Variants in TGFBR3 observed in about 807,000 individuals in gnomAD.
TGFBR3 encodes the protein transforming growth factor beta receptor 3.
In TGFBR3, 46 loss-of-function variants were observed where a neutral mutation model predicts 87.9. The observed-to-expected ratio is 0.52, with a 90% CI of 0.41 to 0.67. The LOEUF (loss-of-function observed/expected upper bound fraction) is 0.67. Among genes scored for constraint, TGFBR3 ranks in the 30% least tolerant of loss-of-function variants. The pLI is 0.00. For synonymous variants in TGFBR3, 381 were observed against 391.6 expected (o/e 0.97, Z 0.32); for missense variants, 866 against 1,041.9 (o/e 0.83, Z 2.32).
intron 4 of TGFBR3, among the ~76,000 whole-genome samples, chr1:91,735,425 C>T (rs72965095): frequency 4.7e-4 from 71 of 152,330 alleles, no homozygotes; most frequent in African/African-American, 1.7e-3. Flanking sequence ...CATCTGCCAA[C>T]AGAGTCATCA....
chr1:91,721,335 A>G (rs1255230709), intron 8 of TGFBR3, among the ~76,000 whole-genome samples: 1 of 152,184 alleles, frequency 6.6e-6, no homozygotes, highest in Non-Finnish European at 1.5e-5. Context: ...CTTCTCCCCA[A>G]ACAGTGACTA....
intron 1 of TGFBR3, among the ~76,000 whole-genome samples, chr1:91,879,233 C>T (rs934044855): frequency 2.0e-5 from 3 of 151,848 alleles, no homozygotes; most frequent in Non-Finnish European, 4.4e-5. Flanking sequence ...CACACCACTG[C>T]ACTCCAGCCT....
intron 10 of TGFBR3, among the ~76,000 whole-genome samples, chr1:91,718,931 C>T (rs1571437884): frequency 1.3e-5 from 2 of 152,304 alleles, no homozygotes; most frequent in Non-Finnish European, 1.5e-5. Context: ...AGAGACCACA[C>T]ATCTGGTTAA....
At chr1:91,861,856 G>GGT in intron 1 of TGFBR3, 1 of 193,616 alleles carries the variant, frequency 5.2e-6, no homozygotes. Flanking sequence ...TTTGTTATTG[G>GGT]CTTTTTTTTT....
At chr1:91,812,128 G>C (rs1049772138) in intron 2 of TGFBR3, among the ~76,000 whole-genome samples, 1 of 152,058 alleles carries the variant, frequency 6.6e-6, no homozygotes, top group Non-Finnish European at 1.5e-5. Context: ...AAAATCCCTT[G>C]CATGCCATTT....
rs1463549689 is a variant in TGFBR3, at chr1:91,683,861, C to A, written c.2438-4G>T. On this transcript the variant is annotated splice_region_variant and splice_polypyrimidine_tract_variant and intron_variant, in intron 16 of 16. Coordinates refer to ENST00000212355, the MANE Select transcript of TGFBR3 (RefSeq NM_003243.5). ...TGCTGCCTTCCTGCTGTCTCCCCTG[C>A]AGTTAATAAAGAAAAGGCAGAGTCA... The A allele has an allele frequency of 6.3e-7, 1 of 1,594,278 alleles. No homozygotes were observed. Among genetic ancestry groups the A allele is most frequent in the Admixed American group, 1.7e-5 (1 of 57,362 alleles).
intron 1 of TGFBR3, chr1:91,899,746 G>C (rs1438539799): frequency 6.6e-6 from 1 of 152,132 alleles, no homozygotes; most frequent in Non-Finnish European, 1.5e-5. Context: ...TAGCAAACTT[G>C]AGTTTTTGGC....
intron 2 of TGFBR3, among the ~76,000 whole-genome samples, chr1:91,840,644 A>G (rs1677239601): frequency 6.6e-6 from 1 of 152,214 alleles, no homozygotes; most frequent in Non-Finnish European, 1.5e-5. Context: ...CACATTTGTT[A>G]ATATCTCAAC....
intron 5 of TGFBR3, among the ~76,000 whole-genome samples, chr1:91,734,053 AGAGGGAGG>A (rs1553163106): frequency 4.1e-5 from 2 of 48,594 alleles, no homozygotes; most frequent in Non-Finnish European, 7.0e-5. Flanking sequence ...AGGGAGGGAG[AGAGGGAGG>A]GAGGGAGGGA....
In TGFBR3 at chr1:91,683,848, G is replaced by A. The variant is rs762446878; in HGVS notation, c.2447C>T (p.Ala816Val). Reference protein sequence around the residue: ...WYIYSHTGETAGRQQVPTSPP... With the variant: ...WYIYSHTGETVGRQQVPTSPP... ...GGAGGTGGGGACTTGCTGCCTTCCTGCTGTCTCCCCTGCAGTTAATAAAGA... is the reference window on the plus strand; with the variant it reads ...GGAGGTGGGGACTTGCTGCCTTCCTACTGTCTCCCCTGCAGTTAATAAAGA... The change falls in exon 17 of 17, where the codon GCA becomes GTA. Residue 816 changes from alanine to valine, a missense_variant. Transcript: ENST00000212355. 6.2e-7 allele frequency: 1 copy of A among 1,601,486 alleles called. No homozygotes were observed. The highest frequency in any genetic ancestry group is 8.5e-7 in the Non-Finnish European group (1 of 1,173,950).
rs1467176628 is a variant in TGFBR3 at position 91,683,015 on chromosome 1, A to G, written c.*724T>C. The stretch of plus-strand genomic sequence containing the variant: ...TTCTGTAGGCCTGTAAGAAATACAA[A>G]ATTTGCATTAAGACATTTTGCAGTG... On this transcript the variant is annotated 3_prime_UTR_variant, in exon 17 of 17. Transcript: ENST00000212355. 1 of 454,416 alleles carries G rather than the reference A, an allele frequency of 2.2e-6. No homozygotes were observed. Among genetic ancestry groups the G allele is most frequent in the East Asian group, 6.9e-5 (1 of 14,400 alleles). The allele number at this position is 454,416 out of a possible 1,614,324, so 28.1% of individuals were successfully genotyped here.
chr1:91,811,701 ATTGT>A (rs1676036073), intron 2 of TGFBR3, among the ~76,000 whole-genome samples: 1 of 152,216 alleles, frequency 6.6e-6, no homozygotes, highest in South Asian at 2.1e-4. Flanking sequence ...CTGTACTATT[ATTGT>A]TTAATAAACT....
At chr1:91,739,502 T>C (rs1311656503) in intron 4 of TGFBR3, among the ~76,000 whole-genome samples, 1 of 152,228 alleles carries the variant, frequency 6.6e-6, no homozygotes, top group Non-Finnish European at 1.5e-5. Context: ...GCACACCTTC[T>C]GCACTTTCAT....
At chr1:91,761,159 G>A (rs562119779) in intron 3 of TGFBR3, among the ~76,000 whole-genome samples, 5 of 152,298 alleles carry the variant, frequency 3.3e-5, no homozygotes, top group African/African-American at 1.2e-4. Flanking sequence ...AGAAGTTTCG[G>A]TCAAAATATA....
chr1:91,756,340 T>C (rs1027180274), intron 4 of TGFBR3, among the ~76,000 whole-genome samples: 2 of 152,182 alleles, frequency 1.3e-5, no homozygotes, highest in African/African-American at 4.8e-5. Flanking sequence ...TAACTTTAAT[T>C]AGAGGAGACT....
At position 91,828,545 on chromosome 1, in the gene TGFBR3, A is replaced by G. The variant is rs540595305; in HGVS notation, c.62-31074T>C. On this transcript the variant is annotated intron_variant, in intron 2 of 16. Coordinates refer to ENST00000212355, the MANE Select transcript of TGFBR3 (RefSeq NM_003243.5). ...GTTCAGTTTATCAACAGGAGAGTTC[A>G]TAAGGAATTATCATGAGCAAACAGG... is the stretch of plus-strand genomic sequence containing the variant. Among the ~76,000 whole-genome samples, 11 of 152,364 alleles carry G rather than the reference A, an allele frequency of 7.2e-5. No homozygotes were observed. In the South Asian group the frequency reaches 2.3e-3, roughly 32 times the overall value.
intron 2 of TGFBR3, among the ~76,000 whole-genome samples, chr1:91,891,833 C>T (rs1192327757): frequency 1.3e-5 from 2 of 152,172 alleles, no homozygotes; most frequent in African/African-American, 4.8e-5. Flanking sequence ...CCAGTTCATA[C>T]TCGTTGGTGT....
chr1:91,874,134 T>C (rs1417828048), intron 1 of TGFBR3, among the ~76,000 whole-genome samples: 1 of 152,098 alleles, frequency 6.6e-6, no homozygotes, highest in Non-Finnish European at 1.5e-5. Context: ...GATACATAAT[T>C]ATATATTATA....
intron 7 of TGFBR3, among the ~76,000 whole-genome samples, chr1:91,726,208 G>C (rs1672543836): frequency 6.6e-6 from 1 of 152,212 alleles, no homozygotes; most frequent in Non-Finnish European, 1.5e-5. Flanking sequence ...CATACTCAGG[G>C]AAAGAGCCAT....
Sources: gnomAD v4.1 joint callset for allele counts (sites outside exome capture counted in the v4.1 genomes callset) on GRCh38, gnomAD v4.1.1 for gene constraint, MANE v1.5 for transcripts, NCBI Gene and HGNC (gene_info 2026-07-23, HGNC 2026-07-21) for gene names.